SSH2: variants seen among roughly 807,000 people sequenced by gnomAD.
SSH2 encodes the protein protein phosphatase Slingshot homolog 2.
SSH2 carries 37 observed loss-of-function variants against 135.2 expected under a neutral mutation model. The observed-to-expected ratio is 0.27, with a 90% CI of 0.21 to 0.36. The LOEUF (loss-of-function observed/expected upper bound fraction) is 0.36. Among genes scored for constraint, SSH2 ranks in the 10% least tolerant of loss-of-function variants. The pLI, the probability that SSH2 is intolerant of heterozygous loss-of-function variation, is 1.00. For missense variants in SSH2, 1,408 were observed against 1,765.3 expected, an observed-to-expected ratio of 0.80 and a Z score of 3.63; for synonymous variants, 628 against 646.2, an observed-to-expected ratio of 0.97 and a Z score of 0.43.
At chr17:29,890,099 C>G (rs1039974454) in intron 1 of SSH2, among the ~76,000 whole-genome samples, 9 of 152,098 alleles carry the variant, frequency 5.9e-5, no homozygotes, top group Non-Finnish European at 1.3e-4. Context: ...AAATGCAAAC[C>G]CAAACTGCAA....
At chr17:29,839,270 C>T (rs1415162058) in intron 2 of SSH2, 1 of 152,518 alleles carries the variant, frequency 6.6e-6, no homozygotes, top group African/African-American at 2.4e-5. Context: ...CCATGCCTGG[C>T]TCGCCCTTGG....
chr17:29,903,055 GGGCGCCTGTAGTCCCAGCTACCCAGAA>G (rs2066589252), intron 1 of SSH2, among the ~76,000 whole-genome samples: 1 of 151,646 alleles, frequency 6.6e-6, no homozygotes, highest in Non-Finnish European at 1.5e-5. Context: ...GCATGGTGCC[GGGCGCCTGTAGTCCCAGCTACCCAGAA>G]GGCTGAAGCA....
chr17:29,872,867 G>A (rs540252183), intron 1 of SSH2, among the ~76,000 whole-genome samples: 5 of 151,828 alleles, frequency 3.3e-5, no homozygotes, highest in African/African-American at 9.7e-5. Context: ...GTGGTGCCGC[G>A]TGCCTATAAT....
At chr17:29,702,641 C>T (rs1220522842) in intron 4 of SSH2, among the ~76,000 whole-genome samples, 3 of 152,090 alleles carry the variant, frequency 2.0e-5, no homozygotes, top group Admixed American at 6.5e-5. Flanking sequence ...GGTGACACAG[C>T]GAAACTCCAT....
intron 1 of SSH2, among the ~76,000 whole-genome samples, chr17:29,902,619 G>T (rs138092906): frequency 1.3e-5 from 2 of 151,844 alleles, no homozygotes; most frequent in Non-Finnish European, 1.5e-5. Context: ...GGAAAAAAAG[G>T]TATCCAGTTT....
In SSH2 at chr17:29,632,041, AGTGT is replaced by A; in HGVS notation, c.3149_3152del (p.His1050LeufsTer7). 6.2e-7 allele frequency: 1 copy of A among 1,614,164 alleles called. No homozygotes were observed. Among genetic ancestry groups the A allele is most frequent in the Non-Finnish European group, 8.5e-7 (1 of 1,180,022 alleles). On this transcript the variant is annotated frameshift_variant, in exon 16 of 16. Transcript: ENST00000540801. LOFTEE classifies it high-confidence loss of function. The stretch of plus-strand genomic sequence containing the variant: ...TGGTGGCTATTTCACTCCCTGGCCC[AGTGT>A]GATTGGGTGATGTAACTATGTGGGT...
At chr17:29,843,479 T>C (rs2043078683) in intron 2 of SSH2, among the ~76,000 whole-genome samples, 1 of 151,416 alleles carries the variant, frequency 6.6e-6, no homozygotes, top group South Asian at 2.1e-4. Context: ...ATCGCTTGAA[T>C]CCAGGAGGTA....
At chr17:29,697,439 T>C (rs1485450732) in intron 4 of SSH2, among the ~76,000 whole-genome samples, 2 of 152,144 alleles carry the variant, frequency 1.3e-5, no homozygotes, top group African/African-American at 4.8e-5. Context: ...AAAAAATAGG[T>C]TGGCAAACGG....
rs1332626893 is a variant in SSH2, at chr17:29,630,487, C to T, written c.*354G>A. ...TCCACCCCTCCGAATCTGCTTCCTT[C>T]CCTCAATTAAGAAACCATGCCTTTT... On this transcript the variant is annotated 3_prime_UTR_variant, in exon 16 of 16. Coordinates refer to ENST00000540801, the MANE Select transcript of SSH2 (RefSeq NM_001282129.2). The T allele has an allele frequency of 6.1e-6, 1 of 163,786 alleles. No homozygotes were observed. Among genetic ancestry groups the T allele is most frequent in the African/African-American group, 2.4e-5 (1 of 41,770 alleles). 10.1% of individuals were successfully genotyped at this position (163,786 alleles called of 1,614,324 possible). A position where few individuals can be genotyped will look rare whatever the true frequency, so the allele number is the denominator to read the frequency against.
At chr17:29,723,828 G>A (rs145548846) in intron 3 of SSH2, among the ~76,000 whole-genome samples, 2 of 152,204 alleles carry the variant, frequency 1.3e-5, no homozygotes, top group East Asian at 3.9e-4. Context: ...CTCATGCTAG[G>A]GGGAACTTCT....
At chr17:29,744,975 T>C (rs1320904760) in intron 3 of SSH2, among the ~76,000 whole-genome samples, 1 of 151,918 alleles carries the variant, frequency 6.6e-6, no homozygotes, top group African/African-American at 2.4e-5. Context: ...TGTGGGGATT[T>C]CACATTGTGC....
At chr17:29,867,989 C>T (rs2065880771) in intron 1 of SSH2, among the ~76,000 whole-genome samples, 2 of 152,266 alleles carry the variant, frequency 1.3e-5, no homozygotes, top group East Asian at 3.9e-4. Flanking sequence ...ACAAGATGTC[C>T]TCACACTGTA....
At chr17:29,862,911 T>C (rs1047633114) in intron 1 of SSH2, among the ~76,000 whole-genome samples, 11 of 152,194 alleles carry the variant, frequency 7.2e-5, no homozygotes, top group African/African-American at 2.4e-4. Flanking sequence ...GGCTTCAAAA[T>C]GATTACTTCA....
chr17:29,759,005 A>G lies in SSH2; in HGVS notation c.188+34889T>C, dbSNP rs146872180. Among the ~76,000 whole-genome samples, 445 of 151,554 alleles carry G rather than the reference A, an allele frequency of 2.9e-3. 3 individuals are homozygous for G. Among genetic ancestry groups the G allele is most frequent in the Non-Finnish European group, 3.4e-3 (232 of 67,898 alleles). Reference sequence around the variant, plus strand: ...CCTCAAGTGATCCTCCTGTCTCCCAAAGTGCTGGGATTACAGATATAAGCC... The same window carrying G: ...CCTCAAGTGATCCTCCTGTCTCCCAGAGTGCTGGGATTACAGATATAAGCC... On this transcript the variant is annotated intron_variant, in intron 3 of 15. Coordinates refer to ENST00000540801, the MANE Select transcript of SSH2 (RefSeq NM_001282129.2).
At chr17:29,870,906 T>A (rs2065927427) in intron 1 of SSH2, among the ~76,000 whole-genome samples, 1 of 152,336 alleles carries the variant, frequency 6.6e-6, no homozygotes, top group African/African-American at 2.4e-5. Flanking sequence ...AATTGAAGTC[T>A]GCACACCCCA....
At position 29,630,702 on chromosome 17, in the gene SSH2, C is replaced by A. The variant is rs781556622; in HGVS notation, c.*139G>T. On this transcript the variant is annotated 3_prime_UTR_variant, in exon 16 of 16. Transcript: ENST00000540801. ...ACACACACATACACACTGAAAAACA[C>A]CCAAACCCTGCATGCACCAGAAACA... The A allele has an allele frequency of 2.3e-6, 2 of 873,144 alleles. No individual in the cohort carries two copies. Among genetic ancestry groups the A allele is most frequent in the Non-Finnish European group, 3.5e-6 (2 of 574,598 alleles). 54.1% of individuals were successfully genotyped at this position (873,144 alleles called of 1,614,324 possible). A position where few individuals can be genotyped will look rare whatever the true frequency, so the allele number is the denominator to read the frequency against.
chr17:29,689,449 T>C (rs892021254), intron 5 of SSH2, among the ~76,000 whole-genome samples: 1 of 152,224 alleles, frequency 6.6e-6, no homozygotes, highest in African/African-American at 2.4e-5. Context: ...AAGACAATAA[T>C]TGAGATGCAT....
chr17:29,650,442 C>T (rs1567844197), intron 13 of SSH2, among the ~76,000 whole-genome samples: 1 of 152,136 alleles, frequency 6.6e-6, no homozygotes. Flanking sequence ...ATGGAAATAG[C>T]CAACATGAGG....
intron 1 of SSH2, among the ~76,000 whole-genome samples, chr17:29,913,909 C>T (rs984641918): frequency 7.2e-5 from 11 of 152,240 alleles, no homozygotes; most frequent in Non-Finnish European, 1.3e-4. Context: ...GCTGGAATTA[C>T]AGGCATGAGC....
Sources: allele counts gnomAD v4.1 joint callset (sites outside exome capture counted in the v4.1 genomes callset), GRCh38; gene constraint gnomAD v4.1.1; transcripts MANE v1.5; gene names NCBI Gene and HGNC (gene_info 2026-07-23, HGNC 2026-07-21).